The following PCCA variants were observed in gnomAD, a reference collection of about 807,000 sequenced individuals.
PCCA encodes the protein propionyl-CoA carboxylase subunit alpha.
PCCA carries 74 observed loss-of-function variants against 101.3 expected under a neutral mutation model. The observed-to-expected ratio is 0.73, with a 90% CI of 0.61 to 0.89. PCCA has a LOEUF of 0.89. Ranked by LOEUF, PCCA falls within the 40% of genes least tolerant of loss-of-function variation. The probability of loss-of-function intolerance (pLI) is 0.00; values close to 1 mark genes in which losing one functional copy is unlikely to be tolerated. For missense variants in PCCA, 891 were observed against 907.0 expected (o/e 0.98, Z 0.23); for synonymous variants, 294 against 313.6 (o/e 0.94, Z 0.66).
intron 21 of PCCA, among the ~76,000 whole-genome samples, chr13:100,513,866 C>T (rs2086649246): frequency 6.6e-6 from 1 of 152,170 alleles, no homozygotes; most frequent in Non-Finnish European, 1.5e-5. Flanking sequence ...TCTGATGCCT[C>T]TAGTGATGTT....
intron 12 of PCCA, chr13:100,293,255 G>A (rs1485821738): frequency 6.4e-6 from 3 of 471,416 alleles, no homozygotes; most frequent in African/African-American, 2.0e-5. Flanking sequence ...GGAAGGAAAG[G>A]TACAGTACAA....
intron 9 of PCCA, among the ~76,000 whole-genome samples, chr13:100,259,229 T>C (rs1361144074): frequency 6.6e-6 from 1 of 152,158 alleles, no homozygotes; most frequent in Non-Finnish European, 1.5e-5. Context: ...GGTGTCTTTT[T>C]CTTGTAACAT....
At chr13:100,473,853 C>T (rs566359374) in intron 21 of PCCA, among the ~76,000 whole-genome samples, 4 of 152,344 alleles carry the variant, frequency 2.6e-5, no homozygotes, top group Non-Finnish European at 4.4e-5. Context: ...TCTGGCTTAT[C>T]GCACAATGAC....
intron 21 of PCCA, among the ~76,000 whole-genome samples, chr13:100,494,116 G>A (rs1455351985): frequency 6.6e-6 from 1 of 151,990 alleles, no homozygotes; most frequent in East Asian, 1.9e-4. Context: ...TTGAAACCAG[G>A]AGGTGGAGAT....
intron 19 of PCCA, among the ~76,000 whole-genome samples, chr13:100,406,171 G>A (rs2077666839): frequency 6.6e-6 from 1 of 152,174 alleles, no homozygotes; most frequent in East Asian, 1.9e-4. Flanking sequence ...GGCTCTGCAA[G>A]TCAAGATTCA....
chr13:100,333,690 C>T (rs1196447923), intron 17 of PCCA, among the ~76,000 whole-genome samples: 1 of 152,142 alleles, frequency 6.6e-6, no homozygotes, highest in Non-Finnish European at 1.5e-5. Context: ...GGGCTTATTT[C>T]TCTGATACCT....
intron 18 of PCCA, among the ~76,000 whole-genome samples, chr13:100,354,122 A>AATAAT (rs1274720015): frequency 3.6e-5 from 4 of 110,942 alleles, no homozygotes; most frequent in African/African-American, 1.6e-4. Context: ...ATAATAATAA[A>AATAAT]ATAATTCGCT....
intron 17 of PCCA, among the ~76,000 whole-genome samples, chr13:100,339,521 C>A (rs1248345036): frequency 3.3e-5 from 5 of 152,192 alleles, no homozygotes; most frequent in Non-Finnish European, 7.3e-5. Flanking sequence ...TGAAGAATTA[C>A]GCAAATTCTT....
chr13:100,376,779 TCCTTGGCTTCAG>T (rs2075933347), intron 19 of PCCA, among the ~76,000 whole-genome samples: 1 of 152,132 alleles, frequency 6.6e-6, no homozygotes, highest in Non-Finnish European at 1.5e-5. Context: ...ACCACTTGGC[TCCTTGGCTTCAG>T]CCCCGTTTCC....
rs1000834922 is a variant in PCCA, at chr13:100,394,385, G to T, written c.1746+25811G>T. On this transcript the variant is annotated intron_variant, in intron 19 of 23. Transcript: ENST00000376285. This position sits in a 1 kb window ranked among gnomAD's most constrained non-coding sequence, Gnocchi z 4.3. ...AGAAAACACAGCTTTCTTCAGCGAG[G>T]TTCCTTTTGCATCAGCGCTGGTTCT... Among the ~76,000 whole-genome samples, 3 of 151,976 alleles carry T rather than the reference G, an allele frequency of 2.0e-5. No individual in the cohort carries two copies. Among genetic ancestry groups the T allele is most frequent in the African/African-American group, 4.8e-5 (2 of 41,368 alleles).
rs553900134 is a variant in PCCA at position 100,095,337 on chromosome 13, C to T, written c.105+6112C>T. Among the ~76,000 whole-genome samples the T allele has an allele frequency of 1.3e-4, 20 of 152,272 alleles. No homozygotes were observed. In the South Asian group the frequency reaches 2.7e-3, roughly 21 times the overall value. ...GTGGACACATCATTTTAGGGGCTAT[C>T]GTTCAATTCACCTACACGTAGTATG... On this transcript the variant is annotated intron_variant, in intron 1 of 23. Coordinates refer to ENST00000376285, the MANE Select transcript of PCCA (RefSeq NM_000282.4).
chr13:100,243,331 A>G (rs1000845764), intron 8 of PCCA, among the ~76,000 whole-genome samples: 5 of 152,250 alleles, frequency 3.3e-5, no homozygotes, highest in African/African-American at 1.2e-4. Context: ...ATATATATGT[A>G]TAGAAATGAA....
intron 6 of PCCA, among the ~76,000 whole-genome samples, chr13:100,180,920 C>A (rs1454017647): frequency 1.3e-5 from 2 of 152,190 alleles, no homozygotes; most frequent in African/African-American, 4.8e-5. Flanking sequence ...AGGGATTAAT[C>A]AAGGCTTAAG....
At chr13:100,521,038 T>TAG (rs1405258803) in intron 22 of PCCA, among the ~76,000 whole-genome samples, 1 of 152,200 alleles carries the variant, frequency 6.6e-6, no homozygotes, top group Non-Finnish European at 1.5e-5. Flanking sequence ...TTTACGAAGG[T>TAG]AGAGGGTCCA....
intron 4 of PCCA, among the ~76,000 whole-genome samples, chr13:100,116,586 T>G (rs2048820001): frequency 6.6e-6 from 1 of 152,176 alleles, no homozygotes; most frequent in African/African-American, 2.4e-5. Flanking sequence ...TCCATGTGAA[T>G]TTTAGGATGA....
At chr13:100,509,921 A>G (rs1334213686) in intron 21 of PCCA, among the ~76,000 whole-genome samples, 1 of 152,128 alleles carries the variant, frequency 6.6e-6, no homozygotes, top group East Asian at 1.9e-4. Context: ...TGGATGGGTC[A>G]GAAACATCTG....
At chr13:100,334,097 AAAC>A (rs773078562) in intron 17 of PCCA, among the ~76,000 whole-genome samples, 2 of 152,142 alleles carry the variant, frequency 1.3e-5, no homozygotes, top group African/African-American at 4.8e-5. Context: ...AAACAAAACA[AAAC>A]AACAACAACA....
At chr13:100,449,151 A>G in intron 20 of PCCA, 101 bp from the exon 21 acceptor site, 4 of 661,518 alleles carry the variant, frequency 6.0e-6, no homozygotes, top group Non-Finnish European at 1.1e-5. Context: ...TTGTTTACCC[A>G]TCCATCAGTT....
At chr13:100,400,620 CTTTTTAGTTCTTTT>C (rs1434355654) in intron 19 of PCCA, among the ~76,000 whole-genome samples, 11 of 61,946 alleles carry the variant, frequency 1.8e-4, no homozygotes, top group South Asian at 6.9e-4. Flanking sequence ...GATCTTAGTT[CTTTTTAGTTCTTTT>C]TTTTTTTTTT....
Sources: gnomAD v4.1 joint callset for allele counts (sites outside exome capture counted in the v4.1 genomes callset) on GRCh38, gnomAD v4.1.1 for gene constraint, Gnocchi (gnomAD v3.1) non-coding constraint, MANE v1.5 for transcripts, NCBI Gene and HGNC (gene_info 2026-07-23, HGNC 2026-07-21) for gene names.